Variants in ATAD5 observed in about 807,000 individuals in gnomAD.
The protein encoded by ATAD5 is ATPase family AAA domain-containing protein 5.
Under a neutral mutation model 176.9 loss-of-function variants are expected in ATAD5, and 58 were observed. That is an observed-to-expected ratio of 0.33 (90% CI 0.27 to 0.41). ATAD5 has a LOEUF of 0.41. Ranked by LOEUF, ATAD5 falls within the 10% of genes least tolerant of loss-of-function variation. The pLI, the probability that ATAD5 is intolerant of heterozygous loss-of-function variation, is 1.00. For synonymous variants in ATAD5, 640 were observed against 712.6 expected (o/e 0.90, Z 1.62); for missense variants, 1,789 against 2,094.1 (o/e 0.85, Z 2.84).
At chr17:30,851,535 A>G (rs888221916) in intron 6 of ATAD5, among the ~76,000 whole-genome samples, 4 of 150,670 alleles carry the variant, frequency 2.7e-5, no homozygotes, top group East Asian at 2.0e-4. Flanking sequence ...GGCCAGGCAT[A>G]GTGGCTCACA....
chr17:30,894,209 A>C (rs9898911), intron 21 of ATAD5, 59 bp downstream of exon 21: 2 of 1,351,250 alleles, frequency 1.5e-6, no homozygotes, highest in Non-Finnish European at 2.0e-6. Flanking sequence ...GGGGAAATCA[A>C]TAGAGTTTTT....
chr17:30,857,167 G>A lies in ATAD5; in HGVS notation c.2793+55G>A, dbSNP rs917538315. The A allele has an allele frequency of 7.8e-6, 12 of 1,532,100 alleles. No homozygotes were observed. In the South Asian group the frequency reaches 1.4e-4, roughly 18 times the overall value. 94.9% of individuals were successfully genotyped at this position (1,532,100 alleles called of 1,614,324 possible). A position where few individuals can be genotyped will look rare whatever the true frequency, so the allele number is the denominator to read the frequency against. ...AGTGTTTCCCTTACATCTTGCAGAG[G>A]AAAAACATTTTTGGATATCTACTCT... On this transcript the variant is annotated intron_variant, in intron 8 of 22. Transcript: ENST00000321990.
At chr17:30,839,369 C>T (rs910078772) in intron 3 of ATAD5, among the ~76,000 whole-genome samples, 3 of 151,582 alleles carry the variant, frequency 2.0e-5, no homozygotes, top group African/African-American at 7.3e-5. Context: ...TCACTGCACT[C>T]TGCTTCACGC....
At chr17:30,840,148 A>G (rs1354044934) in intron 3 of ATAD5, among the ~76,000 whole-genome samples, 1 of 146,776 alleles carries the variant, frequency 6.8e-6, no homozygotes, top group Non-Finnish European at 1.5e-5. Context: ...CACTGAGCCG[A>G]GATCATGCCA....
At chr17:30,887,477 G>A in intron 19 of ATAD5, 105 bp downstream of exon 19, 1 of 936,400 alleles carries the variant, frequency 1.1e-6, no homozygotes, top group Non-Finnish European at 1.6e-6. Context: ...AGCACTTTGG[G>A]GGAGTGAGGT....
At chr17:30,874,463 C>T (rs1216025168) in intron 14 of ATAD5, among the ~76,000 whole-genome samples, 1 of 144,996 alleles carries the variant, frequency 6.9e-6, no homozygotes, top group Non-Finnish European at 1.5e-5. Context: ...ATTACTTGAA[C>T]CCGGAAGGCA....
At chr17:30,876,675 C>T in intron 15 of ATAD5, 125 bp downstream of exon 15, 1 of 278,016 alleles carries the variant, frequency 3.6e-6, no homozygotes, top group Non-Finnish European at 6.8e-6. Context: ...GAAGGTTCTA[C>T]ATGTAGAAGT....
In ATAD5 at chr17:30,893,833, T is replaced by C. The variant is rs748527162; in HGVS notation, c.4980T>C (p.Asp1660=). The C allele has an allele frequency of 8.7e-6, 14 of 1,614,010 alleles. No individual in the cohort carries two copies. The highest frequency in any genetic ancestry group is 1.2e-5 in the Non-Finnish European group (14 of 1,179,912). Residue 1660 remains aspartate (D), a synonymous_variant, in exon 21 of 23, where the codon GAT becomes GAC. Transcript: ENST00000321990. The stretch of plus-strand genomic sequence containing the variant: ...TCATGGATAACATGTCCTTCTTAGA[T>C]GCACTTTTAACTGATGTAAGGGAAC... The part of the protein sequence containing the change: ...SEFMDNMSFL[D]ALLTDVREQN...
intron 2 of ATAD5, 131 bp downstream of exon 2, chr17:30,836,179 TC>T: frequency 1.2e-6 from 1 of 840,500 alleles, no homozygotes; most frequent in Non-Finnish European, 1.7e-6. Flanking sequence ...GAACAGGATT[TC>T]TTTTTTTTTT....
chr17:30,866,491 T>G lies in ATAD5; in HGVS notation c.3233+691T>G, dbSNP rs188180159. Among the ~76,000 whole-genome samples the G allele has an allele frequency of 9.5e-3, 1,416 of 149,064 alleles. 11 individuals are homozygous for G. The highest frequency in any genetic ancestry group is 0.024 in the Middle Eastern group (7 of 292). The stretch of plus-strand genomic sequence containing the variant: ...GATTACAGGTGTGAGCCACTGCACT[T>G]GGCCAGAATTCATATATTTTTTAAT... On this transcript the variant is annotated intron_variant, in intron 11 of 22. Coordinates refer to ENST00000321990, the MANE Select transcript of ATAD5 (RefSeq NM_024857.5).
rs1332663760 is a variant in ATAD5 at position 30,835,698 on chromosome 17, T to C, written c.1617T>C (p.Leu539=). The change falls in exon 2 of 23, where the codon CTT becomes CTC. Residue 539 remains leucine, a synonymous_variant. Coordinates refer to ENST00000321990, the MANE Select transcript of ATAD5 (RefSeq NM_024857.5). ...GCACTTTATTTAACAATGAAAGTCT[T>C]GTTTATGAAGATATAGCAAATGATG... ...KSSTLFNNES[L]VYEDIANDDL... The C allele has an allele frequency of 1.2e-6, 2 of 1,608,898 alleles. No individual in the cohort carries two copies. The highest frequency in any genetic ancestry group is 1.7e-4 in the Middle Eastern group (1 of 6,034).
chr17:30,861,627 T>A (rs764399977), intron 10 of ATAD5, among the ~76,000 whole-genome samples: 1 of 152,104 alleles, frequency 6.6e-6, no homozygotes, highest in Non-Finnish European at 1.5e-5. Context: ...TTCTCCTGCC[T>A]CAGCCTCCTC....
chr17:30,850,692 C>T (rs1354576994), intron 6 of ATAD5, among the ~76,000 whole-genome samples: 7 of 150,242 alleles, frequency 4.7e-5, no homozygotes, highest in Non-Finnish European at 8.9e-5. Context: ...TACTAGAGGT[C>T]CTGGATAGTT....
intron 14 of ATAD5, among the ~76,000 whole-genome samples, chr17:30,874,457 C>T (rs1432268239): frequency 1.4e-5 from 2 of 141,336 alleles, no homozygotes; most frequent in Non-Finnish European, 3.0e-5. Context: ...AGGAGAATTA[C>T]TTGAACCCGG....
chr17:30,892,691 G>C lies in ATAD5; in HGVS notation c.4343G>C (p.Arg1448Pro), dbSNP rs753335227. The change falls in exon 20 of 23, where the codon CGT becomes CCT. Residue 1448 changes from arginine to proline, a missense_variant. By Grantham distance (103) the Arg-to-Pro change is moderately radical. This residue lies in a region of ATAD5 where 403 missense variants were observed against 495.1 expected (regional missense o/e 0.81). Transcript: ENST00000321990. ...TACCCTAAAAATACTAAAAAGAAAC[G>C]TGTAGACCTTCCAAAATGTGACAGT... is the stretch of plus-strand genomic sequence containing the variant. ...KIYPKNTKKK[R>P]VDLPKCDSGC... 6.8e-6 allele frequency: 11 copies of C among 1,606,460 alleles called. No individual in the cohort carries two copies. The African/African-American group carries it at 1.5e-4, about 22-fold the overall frequency.
Position 30,835,248 on chromosome 17 carries a change from A to G in ATAD5, c.1167A>G (p.Glu389=). ...CTGTTTTGGAAGCTGGAAGTTCTGA[A>G]GCTGTGAAACCAAAATGCACTCTAG... is the stretch of plus-strand genomic sequence containing the variant. ...ELAVLEAGSS[E]AVKPKCTLEE... is the part of the protein sequence containing the mutation. Residue 389 remains glutamate (E), a synonymous_variant, in exon 2 of 23, where the codon GAA becomes GAG. Transcript: ENST00000321990. 1 of 1,614,142 alleles carries G rather than the reference A, an allele frequency of 6.2e-7. No individual in the cohort carries two copies.
chr17:30,871,340 T>G (rs574306708), intron 14 of ATAD5, among the ~76,000 whole-genome samples: 4 of 151,700 alleles, frequency 2.6e-5, no homozygotes, highest in Admixed American at 6.6e-5. Flanking sequence ...ATTAATTCTA[T>G]CATCTGTGTA....
intron 8 of ATAD5, 129 bp from the exon 9 acceptor site, chr17:30,858,032 C>G (rs1018747445): frequency 6.0e-5 from 47 of 787,160 alleles, no homozygotes; most frequent in Non-Finnish European, 8.0e-5. Context: ...GCGTGAGCCA[C>G]CACGCCCGGC....
At position 30,887,797 on chromosome 17, in the gene ATAD5, T is replaced by C. The variant is rs114682284; in HGVS notation, c.4258+425T>C. On this transcript the variant is annotated intron_variant, in intron 19 of 22. Transcript: ENST00000321990. ...TGCCACTGCACTCCGGCCCAGACAATAGAGCAATACCCTATCTCTAAAAAA... is the reference window on the plus strand; with the variant it reads ...TGCCACTGCACTCCGGCCCAGACAACAGAGCAATACCCTATCTCTAAAAAA... Among the ~76,000 whole-genome samples the C allele has an allele frequency of 8.0e-3, 1,218 of 152,048 alleles. 17 individuals are homozygous for C. Among genetic ancestry groups the C allele is most frequent in the African/African-American group, 0.028 (1,157 of 41,472 alleles).
Sources: gnomAD v4.1 joint callset for allele counts (sites outside exome capture counted in the v4.1 genomes callset) on GRCh38, gnomAD v4.1.1 for gene constraint, gnomAD v4.1.1 regional missense constraint, MANE v1.5 for transcripts, NCBI Gene and HGNC (gene_info 2026-07-23, HGNC 2026-07-21) for gene names.